The following CELA3A variants were observed in gnomAD, a reference collection of about 807,000 sequenced individuals.
CELA3A encodes the protein chymotrypsin like elastase 3A, also known as chymotrypsin-like elastase family member 3A.
In CELA3A, 35 loss-of-function variants were observed where a neutral mutation model predicts 38.6. That is an observed-to-expected ratio of 0.91 (90% CI 0.69 to 1.20). The LOEUF is 1.20. Among genes scored for constraint, CELA3A ranks in the 50% most tolerant of loss-of-function variants. The pLI is 0.00. For missense variants in CELA3A, 343 were observed against 354.2 expected (o/e 0.97, Z 0.25); for synonymous variants, 143 against 136.7 (o/e 1.05, Z -0.32).
Position 22,007,405 on chromosome 1 carries a change from G to A in CELA3A, c.532G>A (p.Ala178Thr). The change falls in exon 6 of 8, where the codon GCC (alanine) becomes ACC (threonine). Residue 178 changes from alanine to threonine, a missense_variant. By Grantham distance (58) the Ala-to-Thr change is moderately conservative. Coordinates refer to ENST00000290122, the MANE Select transcript of CELA3A (RefSeq NM_005747.5). The part of the protein sequence containing the change: ...NGPLPDKLQQ[A>T]RLPVVDYKHC... ...GCCACTCCCAGACAAGCTGCAGCAG[G>A]CCCGGCTGCCCGTGGTGGACTATAA... is the stretch of plus-strand genomic sequence containing the variant. 6.2e-7 allele frequency: 1 copy of A among 1,612,292 alleles called. No individual in the cohort carries two copies. The highest frequency in any genetic ancestry group is 8.5e-7 in the Non-Finnish European group (1 of 1,179,324).
chr1:22,006,852 C>A lies in CELA3A; in HGVS notation c.363-26C>A, dbSNP rs768232448. The A allele has an allele frequency of 6.2e-6, 10 of 1,608,590 alleles. No individual in the cohort carries two copies. In the African/African-American group the frequency reaches 1.2e-4, roughly 20 times the overall value. ...GACTTGGGCCGGCTGGAGGACCAGG[C>A]CCCGTGACTGTTCCCTCCTCCCCAG... On this transcript the variant is annotated intron_variant, in intron 4 of 7. Transcript: ENST00000290122.
At chr1:22,006,310 C>G (rs1644949581) in intron 4 of CELA3A, among the ~76,000 whole-genome samples, 1 of 151,350 alleles carries the variant, frequency 6.6e-6, no homozygotes, top group Non-Finnish European at 1.5e-5. Flanking sequence ...GTTGGGCTTC[C>G]TGGGTGGTGT....
chr1:22,004,975 T>C (rs1644940485), intron 2 of CELA3A, among the ~76,000 whole-genome samples: 1 of 150,746 alleles, frequency 6.6e-6, no homozygotes, highest in Non-Finnish European at 1.5e-5. Context: ...GGCAGGTGCC[T>C]GTAATCCCGG....
rs371102843 is a variant in CELA3A at position 22,005,677 on chromosome 1, C to T, written c.243C>T (p.Tyr81=). ...CTGCCTGCAGGAGGGATCTGACCTACCAGGTGGTGTTGGGTGAGTACAACC... is the reference window on the plus strand; with the variant it reads ...CTGCCTGCAGGAGGGATCTGACCTATCAGGTGGTGTTGGGTGAGTACAACC... ...AGHCISRDLT[Y]QVVLGEYNLA... is the part of the protein sequence containing the mutation. Residue 81 remains tyrosine (Y), a synonymous_variant, in exon 4 of 8, where the codon TAC becomes TAT. Transcript: ENST00000290122. 7.4e-6 allele frequency: 12 copies of T among 1,612,336 alleles called. 1 individual carries two copies. In the East Asian group the frequency reaches 2.2e-4, roughly 30 times the overall value.
chr1:22,005,731 G>A lies in CELA3A; in HGVS notation c.297G>A (p.Val99=). The A allele has an allele frequency of 6.2e-7, 1 of 1,612,388 alleles. No homozygotes were observed. The highest frequency in any genetic ancestry group is 1.1e-5 in the South Asian group (1 of 91,024). ...CTGTGAAGGAGGGCCCCGAGCAGGTGATCCCCATCAACTCTGAGGAGCTGT... is the reference window on the plus strand; with the variant it reads ...CTGTGAAGGAGGGCCCCGAGCAGGTAATCCCCATCAACTCTGAGGAGCTGT... The part of the protein sequence containing the change: ...NLAVKEGPEQ[V]IPINSEELFV... Residue 99 remains valine (V), a synonymous_variant, in exon 4 of 8, where the codon GTG becomes GTA. Coordinates refer to ENST00000290122, the MANE Select transcript of CELA3A (RefSeq NM_005747.5).
rs1313487731 is a variant in CELA3A at position 22,011,627 on chromosome 1, G to C, written c.796-823G>C. 1.6e-5 allele frequency among the ~76,000 whole-genome samples: 2 copies of C among 126,182 alleles called. 1 individual carries two copies. The highest frequency in any genetic ancestry group is 3.3e-5 in the Non-Finnish European group (2 of 61,506). 82.8% of individuals were successfully genotyped at this position (126,182 alleles called of 152,430 possible). On this transcript the variant is annotated intron_variant, in intron 7 of 7. Coordinates refer to ENST00000290122, the MANE Select transcript of CELA3A (RefSeq NM_005747.5). ...ATAAAAAAATTGGCCAGGCGTGGTA[G>C]TGCGTCGCTGTAATCTCAGCTACTT...
At chr1:22,009,014 T>C (rs550958678) in intron 6 of CELA3A, among the ~76,000 whole-genome samples, 78 of 151,722 alleles carry the variant, frequency 5.1e-4, no homozygotes, top group Non-Finnish European at 1.0e-4. Context: ...CCCCGGCAGG[T>C]GGATCACCTG....
Position 22,005,688 on chromosome 1 carries a change from T to C in CELA3A, c.254T>C (p.Leu85Ser). 2.5e-6 allele frequency: 4 copies of C among 1,612,394 alleles called. No individual in the cohort carries two copies. The highest frequency in any genetic ancestry group is 3.4e-6 in the Non-Finnish European group (4 of 1,179,438). Residue 85 changes from leucine (L) to serine (S), a missense_variant, in exon 4 of 8, where the codon TTG (leucine) becomes TCG (serine). Transcript: ENST00000290122. ...ISRDLTYQVV[L>S]GEYNLAVKEG... ...AGGGATCTGACCTACCAGGTGGTGT[T>C]GGGTGAGTACAACCTTGCTGTGAAG...
Position 22,007,022 on chromosome 1 carries a change from C to G in CELA3A, c.499+8C>G, listed in dbSNP as rs1644955051. 6.2e-7 allele frequency: 1 copy of G among 1,611,424 alleles called. No individual in the cohort carries two copies. The highest frequency in any genetic ancestry group is 2.2e-5 in the East Asian group (1 of 44,664). ...GCTGGGGCCGTCTCTATAGTACGTG[C>G]TGACTTCTCTAGCTGGCCACAGAGA... is the stretch of plus-strand genomic sequence containing the variant. On this transcript the variant is annotated splice_region_variant and intron_variant, in intron 5 of 7. Transcript: ENST00000290122.
chr1:22,007,549 G>T lies in CELA3A; in HGVS notation c.642+34G>T, dbSNP rs559498497. 1.9e-6 allele frequency: 3 copies of T among 1,596,116 alleles called. No homozygotes were observed. The African/African-American group carries it at 4.1e-5, about 22-fold the overall frequency. ...GCTCTTACCTGCCCGAGGTGGTGCT[G>T]GGTGTGCAGGACCTTGGAATGGGGC... On this transcript the variant is annotated intron_variant, in intron 6 of 7. Transcript: ENST00000290122.
chr1:22,003,868 C>T (rs1323981957), intron 2 of CELA3A, among the ~76,000 whole-genome samples: 2 of 150,212 alleles, frequency 1.3e-5, no homozygotes, highest in East Asian at 4.0e-4. Context: ...CCAAGCCCGG[C>T]TAATTTTGTA....
chr1:22,003,393 C>A (rs1364858781), intron 2 of CELA3A, among the ~76,000 whole-genome samples: 1 of 151,166 alleles, frequency 6.6e-6, no homozygotes, highest in Admixed American at 6.6e-5. Context: ...TTGAGAGACT[C>A]ATTTCTAGAT....
At chr1:22,007,879 C>G (rs1360309864) in intron 6 of CELA3A, among the ~76,000 whole-genome samples, 2 of 151,190 alleles carry the variant, frequency 1.3e-5, no homozygotes, top group Non-Finnish European at 2.9e-5. Flanking sequence ...GTTCTGGGCA[C>G]AGTCCCTCCT....
Position 22,005,518 on chromosome 1 carries a change from G to A in CELA3A, c.201G>A (p.Trp67Ter). 3 of 1,612,998 alleles carry A rather than the reference G, an allele frequency of 1.9e-6. No individual in the cohort carries two copies. Among genetic ancestry groups the A allele is most frequent in the Non-Finnish European group, 2.5e-6 (3 of 1,179,578 alleles). ...GCGGTAGCCTCATCGCCCCCGATTG[G>A]GTTGTGACTGCCGGCCACTGCATCT... The part of the protein sequence containing the change: ...TCGGSLIAPD[W>*]VVTAGHCISR... The change falls in exon 3 of 8, where the codon TGG becomes TGA. Residue 67 changes from tryptophan to a stop codon, truncating the protein, a stop_gained. Coordinates refer to ENST00000290122, the MANE Select transcript of CELA3A (RefSeq NM_005747.5). LOFTEE classifies it high-confidence loss of function.
At chr1:22,005,367 T>G (rs2152819387) in intron 2 of CELA3A, 80 bp from the exon 3 acceptor site, 1 of 1,548,226 alleles carries the variant, frequency 6.5e-7, no homozygotes, top group South Asian at 1.1e-5. Flanking sequence ...AGTTGCACAG[T>G]GCACAACCTA....
intron 1 of CELA3A, among the ~76,000 whole-genome samples, chr1:22,002,259 C>T (rs148819370): frequency 6.6e-6 from 1 of 151,348 alleles, no homozygotes; most frequent in Admixed American, 6.6e-5. Flanking sequence ...CTCACAACAG[C>T]CTCAGGAGAT....
chr1:22,005,006 G>A (rs866909298), intron 2 of CELA3A, among the ~76,000 whole-genome samples: 1 of 150,894 alleles, frequency 6.6e-6, no homozygotes. Context: ...GGCTGAGACA[G>A]GAGAATCGCT....
chr1:22,006,987 T>A lies in CELA3A; in HGVS notation c.472T>A (p.Tyr158Asn). 1.2e-6 allele frequency: 2 copies of A among 1,612,498 alleles called. No individual in the cohort carries two copies. The highest frequency in any genetic ancestry group is 1.7e-6 in the Non-Finnish European group (2 of 1,179,470). The stretch of plus-strand genomic sequence containing the variant: ...CATCCTTCCCAACAAGACACCCTGC[T>A]ACATCACCGGCTGGGGCCGTCTCTA... ...GDILPNKTPC[Y>N]ITGWGRLYTN... Residue 158 changes from tyrosine to asparagine, a missense_variant, in exon 5 of 8, where the codon TAC becomes AAC. Coordinates refer to ENST00000290122, the MANE Select transcript of CELA3A (RefSeq NM_005747.5).
intron 1 of CELA3A, among the ~76,000 whole-genome samples, chr1:22,002,170 G>A (rs1644922244): frequency 6.6e-6 from 1 of 150,992 alleles, no homozygotes; most frequent in Admixed American, 6.6e-5. Flanking sequence ...TGACAATAAT[G>A]GTAACAGATA....
Sources: gnomAD v4.1 joint callset for allele counts (sites outside exome capture counted in the v4.1 genomes callset) on GRCh38, gnomAD v4.1.1 for gene constraint, MANE v1.5 for transcripts, NCBI Gene and HGNC (gene_info 2026-07-23, HGNC 2026-07-21) for gene names.